SLC16A4: variants seen among roughly 807,000 people sequenced by gnomAD.
SLC16A4 encodes the protein solute carrier family 16 member 4.
SLC16A4 carries 39 observed loss-of-function variants against 47.9 expected under a neutral mutation model. That is an observed-to-expected ratio of 0.81 (90% CI 0.63 to 1.06). SLC16A4 has a LOEUF of 1.06. Among genes scored for constraint, SLC16A4 ranks in the 50% least tolerant of loss-of-function variants. The pLI, the probability that SLC16A4 is intolerant of heterozygous loss-of-function variation, is 0.00. For synonymous variants in SLC16A4, 189 were observed against 199.9 expected, an observed-to-expected ratio of 0.95 and a Z score of 0.46; for missense variants, 524 against 573.8, an observed-to-expected ratio of 0.91 and a Z score of 0.89.
chr1:110,376,468 G>A (rs1292112235), intron 7 of SLC16A4, among the ~76,000 whole-genome samples: 5 of 152,166 alleles, frequency 3.3e-5, no homozygotes, highest in South Asian at 2.1e-4. Flanking sequence ...AGGACTTTGC[G>A]TCAGTTTAGG....
chr1:110,381,195 T>C lies in SLC16A4; in HGVS notation c.365-52A>G, dbSNP rs1662361696. ...ATCACTCTTACATTAAGTGGCTTGGTAACAGAAAAGATAATCTCCTGGATC... is the reference window on the plus strand; with the variant it reads ...ATCACTCTTACATTAAGTGGCTTGGCAACAGAAAAGATAATCTCCTGGATC... On this transcript the variant is annotated intron_variant, in intron 4 of 8. Coordinates refer to ENST00000369779, the MANE Select transcript of SLC16A4 (RefSeq NM_004696.3). The C allele has an allele frequency of 5.2e-6, 8 of 1,545,984 alleles. No individual in the cohort carries two copies. The Admixed American group carries it at 1.4e-4, about 27-fold the overall frequency.
At chr1:110,366,767 A>C (rs1661422818) in intron 8 of SLC16A4, among the ~76,000 whole-genome samples, 1 of 152,194 alleles carries the variant, frequency 6.6e-6, no homozygotes, top group Non-Finnish European at 1.5e-5. Context: ...ACTCATGACT[A>C]TATTTAATAT....
intron 7 of SLC16A4, 145 bp downstream of exon 7, chr1:110,376,805 C>T (rs1662029405): frequency 1.5e-6 from 1 of 656,604 alleles, no homozygotes; most frequent in South Asian, 1.9e-5. Context: ...AGTAACTGGA[C>T]AGGATATAGC....
intron 8 of SLC16A4, chr1:110,372,358 A>G (rs1661729910): frequency 6.6e-6 from 1 of 152,230 alleles, no homozygotes; most frequent in African/African-American, 2.4e-5. Flanking sequence ...TAAGTAAAAA[A>G]TGAGAATCTC....
chr1:110,364,474 C>T (rs1352949561), intron 8 of SLC16A4, among the ~76,000 whole-genome samples: 1 of 147,272 alleles, frequency 6.8e-6, no homozygotes, highest in African/African-American at 2.5e-5. Context: ...TAAACAATGA[C>T]AAGTTCCCCC....
intron 2 of SLC16A4, among the ~76,000 whole-genome samples, chr1:110,388,742 T>C (rs1054186719): frequency 6.6e-6 from 1 of 152,194 alleles, no homozygotes; most frequent in Non-Finnish European, 1.5e-5. Context: ...AGAGAGTCTC[T>C]CATGGTTGCC....
chr1:110,388,524 T>C (rs1354188930), intron 2 of SLC16A4, among the ~76,000 whole-genome samples: 1 of 152,234 alleles, frequency 6.6e-6, no homozygotes, highest in African/African-American at 2.4e-5. Context: ...CTATCTATGC[T>C]GGGCTGAACT....
At position 110,370,654 on chromosome 1, in the gene SLC16A4, G is replaced by A. The variant is rs372612330; in HGVS notation, c.1336+4804C>T. On this transcript the variant is annotated intron_variant, in intron 8 of 8. Coordinates refer to ENST00000369779, the MANE Select transcript of SLC16A4 (RefSeq NM_004696.3). ...ACTCCATGGTATTTCTGATGAGATC[G>A]GTAAATAATAGAGAGAGACATACTT... 21 of 152,252 alleles carry A rather than the reference G, an allele frequency of 1.4e-4. 1 individual carries two copies. The highest frequency in any genetic ancestry group is 8.5e-4 in the Admixed American group (13 of 15,290). 9.4% of individuals were successfully genotyped at this position (152,252 alleles called of 1,614,324 possible).
chr1:110,369,196 A>C (rs913400964), intron 8 of SLC16A4, among the ~76,000 whole-genome samples: 1 of 151,886 alleles, frequency 6.6e-6, no homozygotes, highest in Non-Finnish European at 1.5e-5. Flanking sequence ...CTCGTGATCT[A>C]CCTGCCTCAG....
intron 3 of SLC16A4, 35 bp from the exon 4 acceptor site, chr1:110,381,830 A>T: frequency 1.3e-6 from 2 of 1,592,580 alleles, no homozygotes; most frequent in Non-Finnish European, 1.7e-6. Context: ...TCTTAGGTAA[A>T]TAATGATCTG....
intron 8 of SLC16A4, among the ~76,000 whole-genome samples, chr1:110,367,340 G>A (rs1340443476): frequency 6.6e-6 from 1 of 152,074 alleles, no homozygotes; most frequent in African/African-American, 2.4e-5. Context: ...CAAAAAAGAA[G>A]TAATAAATTA....
At chr1:110,364,017 CT>C in intron 8 of SLC16A4, 124 bp from the exon 9 acceptor site, 1 of 910,420 alleles carries the variant, frequency 1.1e-6, no homozygotes, top group Non-Finnish European at 1.5e-6. Flanking sequence ...AGTGAAGCTT[CT>C]TAGCTGCCCT....
chr1:110,374,367 CTT>C, intron 8 of SLC16A4, among the ~76,000 whole-genome samples: 2 of 152,266 alleles, frequency 1.3e-5, no homozygotes, highest in Middle Eastern at 6.8e-3. Context: ...GAGGTATAAA[CTT>C]AACATCATTA....
intron 2 of SLC16A4, among the ~76,000 whole-genome samples, chr1:110,388,739 C>A (rs565668675): frequency 6.6e-6 from 1 of 152,154 alleles, no homozygotes; most frequent in Non-Finnish European, 1.5e-5. Context: ...TTGAGAGAGT[C>A]TCTCATGGTT....
chr1:110,381,619 CCTT>C (rs1662387759), intron 4 of SLC16A4, 30 bp downstream of exon 4: 1 of 1,593,256 alleles, frequency 6.3e-7, no homozygotes, highest in Non-Finnish European at 8.5e-7. Context: ...CCACTCCTGG[CCTT>C]CTATGGTCAC....
intron 1 of SLC16A4, 59 bp downstream of exon 1, chr1:110,390,806 G>A (rs1278984936): frequency 6.6e-6 from 1 of 152,222 alleles, no homozygotes; most frequent in African/African-American, 2.4e-5. Flanking sequence ...GCTGGGTGGG[G>A]AGAGATGCCA....
At chr1:110,382,304 C>CA (rs1470192582) in intron 3 of SLC16A4, among the ~76,000 whole-genome samples, 1 of 151,954 alleles carries the variant, frequency 6.6e-6, no homozygotes, top group Non-Finnish European at 1.5e-5. Flanking sequence ...ACTAAAAATA[C>CA]AAAAATTAGC....
At chr1:110,381,180 C>A (rs756734867) in intron 4 of SLC16A4, 37 bp from the exon 5 acceptor site, 1 of 1,586,206 alleles carries the variant, frequency 6.3e-7, no homozygotes, top group South Asian at 1.1e-5. Context: ...ATCACTCTTA[C>A]ATTAAGTGGC....
chr1:110,387,129 T>G (rs938366984), intron 2 of SLC16A4, among the ~76,000 whole-genome samples: 1 of 152,198 alleles, frequency 6.6e-6, no homozygotes, highest in African/African-American at 2.4e-5. Context: ...TATCAATTCA[T>G]CCATCCATCT....
Sources: gnomAD v4.1 joint callset for allele counts (sites outside exome capture counted in the v4.1 genomes callset) on GRCh38, gnomAD v4.1.1 for gene constraint, MANE v1.5 for transcripts, NCBI Gene and HGNC (gene_info 2026-07-23, HGNC 2026-07-21) for gene names.